Variants in SH3BGRL2 observed in about 807,000 individuals in gnomAD.
The protein encoded by SH3BGRL2 is SH3 domain-binding glutamic acid-rich-like protein 2.
In SH3BGRL2, 21 loss-of-function variants were observed where a neutral mutation model predicts 14.8. The observed-to-expected ratio is 1.42, with a 90% CI of 1.01 to 2.05. The LOEUF is 2.05. Ranked by LOEUF, SH3BGRL2 falls within the 30% of genes most tolerant of loss-of-function variation. The pLI is 0.00. For missense variants in SH3BGRL2, 147 were observed against 130.8 expected (o/e 1.12, Z -0.61); for synonymous variants, 50 against 47.8 (o/e 1.05, Z -0.19).
the SH3BGRL2 span, among the ~76,000 whole-genome samples, chr6:79,582,393 A>T: frequency 6.6e-6 from 1 of 152,192 alleles, no homozygotes; most frequent in Non-Finnish European, 1.5e-5. Flanking sequence ...CTATACTACA[A>T]GGCTACAGTA....
At chr6:79,616,750 C>T in the SH3BGRL2 span, among the ~76,000 whole-genome samples, 4 of 152,296 alleles carry the variant, frequency 2.6e-5, no homozygotes, top group Admixed American at 2.6e-4. Context: ...AGGGGTAGGA[C>T]AAGATGACCT....
the SH3BGRL2 span, among the ~76,000 whole-genome samples, chr6:79,563,739 GA>G: frequency 4.6e-5 from 7 of 151,954 alleles, no homozygotes; most frequent in Non-Finnish European, 1.0e-4. Flanking sequence ...GTCTAGGTGA[GA>G]CCAAAAAAAG....
At chr6:79,545,843 G>T in the SH3BGRL2 span, among the ~76,000 whole-genome samples, 2 of 152,134 alleles carry the variant, frequency 1.3e-5, no homozygotes, top group African/African-American at 4.8e-5. Flanking sequence ...TTGCTAACGT[G>T]CTGTCATTGT....
intron 1 of SH3BGRL2, among the ~76,000 whole-genome samples, chr6:79,653,013 T>G (rs1393321347): frequency 6.6e-6 from 1 of 152,040 alleles, no homozygotes; most frequent in Non-Finnish European, 1.5e-5. Context: ...ATTAACAAAA[T>G]CAATTAAGAA....
chr6:79,689,036 C>G (rs920230115), intron 2 of SH3BGRL2, among the ~76,000 whole-genome samples: 1 of 151,970 alleles, frequency 6.6e-6, no homozygotes, highest in African/African-American at 2.4e-5. Context: ...ACATGATATA[C>G]CTAAAACATG....
the SH3BGRL2 span, among the ~76,000 whole-genome samples, chr6:79,559,308 T>A: frequency 6.6e-6 from 1 of 151,336 alleles, no homozygotes; most frequent in Non-Finnish European, 1.5e-5. Context: ...TCTCTGCAAA[T>A]TTTTTTTTGT....
chr6:79,539,032 A>C, the SH3BGRL2 span, among the ~76,000 whole-genome samples: 1 of 152,238 alleles, frequency 6.6e-6, no homozygotes, highest in Non-Finnish European at 1.5e-5. Flanking sequence ...GGTAAGCAAG[A>C]AAATATTTAA....
At chr6:79,627,323 C>T (rs181265979), upstream of SH3BGRL2, among the ~76,000 whole-genome samples, 19 of 152,244 alleles carry the variant, frequency 1.2e-4, no homozygotes, top group East Asian at 3.1e-3. Flanking sequence ...TAGGTCATGC[C>T]GGGGGAAGAA....
the SH3BGRL2 span, among the ~76,000 whole-genome samples, chr6:79,599,746 AG>A: frequency 6.6e-6 from 1 of 152,196 alleles, no homozygotes; most frequent in African/African-American, 2.4e-5. Context: ...TGCCCACAAC[AG>A]GGGAGAGGAC....
the SH3BGRL2 span, among the ~76,000 whole-genome samples, chr6:79,580,674 C>G: frequency 6.6e-6 from 1 of 152,056 alleles, no homozygotes; most frequent in Admixed American, 6.5e-5. Flanking sequence ...GCACTAAATG[C>G]CCACAGGAGA....
At chr6:79,639,520 G>A (rs1768990181) in intron 1 of SH3BGRL2, among the ~76,000 whole-genome samples, 1 of 152,112 alleles carries the variant, frequency 6.6e-6, no homozygotes, top group African/African-American at 2.4e-5. Flanking sequence ...ACCTTGGGAG[G>A]TCGAGCCTGC....
At chr6:79,670,487 C>T (rs1582729844) in intron 1 of SH3BGRL2, among the ~76,000 whole-genome samples, 1 of 152,232 alleles carries the variant, frequency 6.6e-6, no homozygotes, top group Non-Finnish European at 1.5e-5. Context: ...TATTCACTCA[C>T]ATATATTAAG....
At chr6:79,661,275 T>C (rs778407213) in intron 1 of SH3BGRL2, among the ~76,000 whole-genome samples, 1 of 152,236 alleles carries the variant, frequency 6.6e-6, no homozygotes, top group African/African-American at 2.4e-5. Context: ...TTTAGTACTA[T>C]AAATTTCCCT....
In SH3BGRL2 at chr6:79,691,554, G is replaced by A. The variant is rs1348062772; in HGVS notation, c.232-4931G>A. On this transcript the variant is annotated intron_variant, in intron 2 of 3. Transcript: ENST00000369838. Reference sequence around the variant, plus strand: ...CGGTGTGTGACGTTCCCCTTCCTGTGTCCATGTGTTCTCATTGTTCAATTC... The same window carrying A: ...CGGTGTGTGACGTTCCCCTTCCTGTATCCATGTGTTCTCATTGTTCAATTC... 3.6e-5 allele frequency among the ~76,000 whole-genome samples: 5 copies of A among 139,060 alleles called. No homozygotes were observed. In the East Asian group the frequency reaches 6.6e-4, roughly 18 times the overall value. 91.2% of individuals were successfully genotyped at this position (139,060 alleles called of 152,430 possible). A position where few individuals can be genotyped will look rare whatever the true frequency, so the allele number is the denominator to read the frequency against.
chr6:79,588,980 C>A, the SH3BGRL2 span, among the ~76,000 whole-genome samples: 1 of 152,034 alleles, frequency 6.6e-6, no homozygotes, highest in Non-Finnish European at 1.5e-5. Context: ...GGTTCCAAGA[C>A]CCCCTGCAGA....
chr6:79,624,859 G>A, the SH3BGRL2 span, among the ~76,000 whole-genome samples: 7 of 151,952 alleles, frequency 4.6e-5, no homozygotes, highest in East Asian at 1.4e-3. Context: ...TTGGTTGAGG[G>A]GGAATGTGAA....
At chr6:79,681,735 A>T (rs904955745) in intron 2 of SH3BGRL2, among the ~76,000 whole-genome samples, 5 of 152,154 alleles carry the variant, frequency 3.3e-5, no homozygotes, top group African/African-American at 1.2e-4. Flanking sequence ...TGGGATCAGA[A>T]GTGTGTTTGG....
chr6:79,688,372 A>T (rs1770144339), intron 2 of SH3BGRL2, among the ~76,000 whole-genome samples: 1 of 152,088 alleles, frequency 6.6e-6, no homozygotes, highest in Non-Finnish European at 1.5e-5. Context: ...AACAAAGTGA[A>T]TTTTTTGTCC....
chr6:79,628,306 T>G (rs1368742681), upstream of SH3BGRL2, among the ~76,000 whole-genome samples: 1 of 151,720 alleles, frequency 6.6e-6, no homozygotes, highest in Admixed American at 6.6e-5. Flanking sequence ...CACCGATAGA[T>G]TTCATCAGAC....
Sources: gnomAD v4.1 joint callset for allele counts (sites outside exome capture counted in the v4.1 genomes callset) on GRCh38, gnomAD v4.1.1 for gene constraint, MANE v1.5 for transcripts, NCBI Gene and HGNC (gene_info 2026-07-23, HGNC 2026-07-21) for gene names.